AR: variants seen among roughly 807,000 people sequenced by gnomAD.
AR encodes the protein dihydrotestosterone receptor.
Under a neutral mutation model 53.9 loss-of-function variants are expected in AR, and 8 were observed. The ratio of observed to expected loss-of-function variants is 0.15; its 90% confidence interval spans 0.09 to 0.27. AR has a LOEUF of 0.27. Among genes scored for constraint, AR ranks in the 10% least tolerant of loss-of-function variants. AR has a pLI of 1.00. For missense variants in AR, 639 were observed against 742.5 expected (o/e 0.86, Z 1.62); for synonymous variants, 359 against 316.4 (o/e 1.13, Z -1.43).
chrX:67,685,840 T>C, intron 2 of AR, 170 bp from the exon 3 acceptor site: 1 of 711,746 alleles, frequency 1.4e-6, no homozygotes, highest in East Asian at 3.6e-5. Flanking sequence ...CAAATTAAAC[T>C]GTTTGAATAT....
rs186924407 is a variant in AR at position 67,709,605 on chromosome X, C to G, written c.1886-1797C>G. Among the ~76,000 whole-genome samples, 753 of 112,212 alleles carry G rather than the reference C, an allele frequency of 6.7e-3. 3 individuals carry two copies. Among genetic ancestry groups the G allele is most frequent in the African/African-American group, 0.023 (714 of 30,907 alleles). The stretch of plus-strand genomic sequence containing the variant: ...GCACTTCCCGGGTGAGGCGATGCCT[C>G]TCCCTGCTTTGGCTCACACTTGGTG... On this transcript the variant is annotated intron_variant, in intron 3 of 7. Transcript: ENST00000374690.
chrX:67,676,079 T>G (rs756429130), intron 2 of AR, among the ~76,000 whole-genome samples: 1 of 112,416 alleles, frequency 8.9e-6, no homozygotes, highest in Non-Finnish European at 1.9e-5. Context: ...GAAAACACTA[T>G]AGAAAATGAC....
chrX:67,566,071 A>G (rs997460832), intron 1 of AR, among the ~76,000 whole-genome samples: 3 of 112,267 alleles, frequency 2.7e-5, no homozygotes, highest in African/African-American at 9.7e-5. Flanking sequence ...GAATGAGTAT[A>G]TATGTCATTT....
At chrX:67,661,922 T>C (rs918621246) in intron 2 of AR, among the ~76,000 whole-genome samples, 1 of 111,568 alleles carries the variant, frequency 9.0e-6, no homozygotes, top group Non-Finnish European at 1.9e-5. Flanking sequence ...AGTCTTGGGA[T>C]GGTGTATGTG....
At chrX:67,667,328 T>C (rs1327177008) in intron 2 of AR, among the ~76,000 whole-genome samples, 1 of 111,756 alleles carries the variant, frequency 8.9e-6, no homozygotes, top group Non-Finnish European at 1.9e-5. Context: ...TTCTCTAATA[T>C]ACGTTCTTGG....
At chrX:67,612,503 T>C (rs979684942) in intron 1 of AR, among the ~76,000 whole-genome samples, 12 of 112,132 alleles carry the variant, frequency 1.1e-4, no homozygotes, top group African/African-American at 2.9e-4. Flanking sequence ...GTGGGGCAAC[T>C]TTTTTCTTGC....
At chrX:67,600,715 G>A (rs888733618) in intron 1 of AR, among the ~76,000 whole-genome samples, 2 of 111,350 alleles carry the variant, frequency 1.8e-5, no homozygotes, top group African/African-American at 3.3e-5. Flanking sequence ...AGGATTGATT[G>A]TAACACAAAG....
chrX:67,547,659 A>T (rs1244338335), intron 1 of AR, among the ~76,000 whole-genome samples: 3 of 112,201 alleles, frequency 2.7e-5, no homozygotes, highest in Non-Finnish European at 5.6e-5. Flanking sequence ...GTTGGAAAAC[A>T]TTTTTTTGTA....
intron 1 of AR, among the ~76,000 whole-genome samples, chrX:67,629,049 T>C (rs1424376031): frequency 8.9e-6 from 1 of 111,890 alleles, no homozygotes; most frequent in African/African-American, 3.3e-5. Context: ...CAGTATTTTA[T>C]TGAGGATTTT....
chrX:67,698,217 C>A (rs2076028803), intron 3 of AR, among the ~76,000 whole-genome samples: 1 of 111,882 alleles, frequency 8.9e-6, no homozygotes. Flanking sequence ...CAGTGAGCTC[C>A]CCTGACTCAC....
intron 1 of AR, among the ~76,000 whole-genome samples, chrX:67,547,697 C>G (rs987971814): frequency 8.9e-6 from 1 of 111,795 alleles, no homozygotes; most frequent in African/African-American, 3.3e-5. Context: ...TCAGTGTGCT[C>G]CAAAATCTCC....
intron 3 of AR, among the ~76,000 whole-genome samples, chrX:67,701,568 A>G (rs1316106163): frequency 4.5e-5 from 5 of 111,839 alleles, no homozygotes; most frequent in Non-Finnish European, 7.5e-5. Context: ...TTAAAAATCT[A>G]TTAATGCCTT....
intron 3 of AR, among the ~76,000 whole-genome samples, chrX:67,692,599 G>A (rs779146749): frequency 4.5e-5 from 5 of 112,020 alleles, no homozygotes; most frequent in Non-Finnish European, 7.5e-5. Flanking sequence ...TGATGTCCTT[G>A]CACAAATCAC....
intron 1 of AR, among the ~76,000 whole-genome samples, chrX:67,576,440 CAAA>C (rs946915180): frequency 3.8e-5 from 4 of 105,451 alleles, no homozygotes; most frequent in South Asian, 8.3e-4. Context: ...TGTACATGGA[CAAA>C]AAAAAAGAGA....
At chrX:67,690,365 A>G (rs1453720115) in intron 3 of AR, among the ~76,000 whole-genome samples, 4 of 111,849 alleles carry the variant, frequency 3.6e-5, no homozygotes, top group East Asian at 2.8e-4. Flanking sequence ...TATGGACGCT[A>G]TGAACATCCT....
intron 1 of AR, among the ~76,000 whole-genome samples, chrX:67,608,438 A>G (rs1471628908): frequency 8.9e-6 from 1 of 111,973 alleles, no homozygotes; most frequent in Non-Finnish European, 1.9e-5. Context: ...TTCATGGAGC[A>G]CGTCATGTTT....
Position 67,727,796 on chromosome X carries a change from G to A in AR, c.*3955G>A. On this transcript the variant is annotated 3_prime_UTR_variant, in exon 8 of 8. Transcript: ENST00000374690. Reference sequence around the variant, plus strand: ...CAGTTGCCCAGGTGAGAGGGCACTGGGCCAAGGGAGTGGTTTTCATGTTTG... The same window carrying A: ...CAGTTGCCCAGGTGAGAGGGCACTGAGCCAAGGGAGTGGTTTTCATGTTTG... The A allele has an allele frequency of 1.2e-5, 2 of 172,181 alleles. No homozygotes were observed. Among genetic ancestry groups the A allele is most frequent in the East Asian group, 1.6e-4 (2 of 12,174 alleles). 14.2% of individuals were successfully genotyped at this position (172,181 alleles called of 1,213,427 possible).
chrX:67,634,633 G>T (rs977484019), intron 1 of AR, among the ~76,000 whole-genome samples: 2 of 111,510 alleles, frequency 1.8e-5, no homozygotes, highest in African/African-American at 6.5e-5. Flanking sequence ...AGTAAACATT[G>T]CTGCCCTCGT....
intron 1 of AR, among the ~76,000 whole-genome samples, chrX:67,557,890 T>G (rs966742816): frequency 8.9e-6 from 1 of 112,669 alleles, no homozygotes; most frequent in African/African-American, 3.2e-5. Flanking sequence ...TTATTTTTAC[T>G]GAACCACATA....
Sources: gnomAD v4.1 joint callset for allele counts (sites outside exome capture counted in the v4.1 genomes callset) on GRCh38, gnomAD v4.1.1 for gene constraint, MANE v1.5 for transcripts, NCBI Gene and HGNC (gene_info 2026-07-23, HGNC 2026-07-21) for gene names.